Variants in C7orf78 observed in about 807,000 individuals in gnomAD.
C7orf78 encodes the protein putative uncharacterized protein C7orf78.
chr7:12,534,435 T>C, the C7orf78 span, among the ~76,000 whole-genome samples: 1 of 152,162 alleles, frequency 6.6e-6, no homozygotes, highest in South Asian at 2.1e-4. Context: ...ATGATATCTT[T>C]AAAAGAACCA....
chr7:12,509,186 A>G, the C7orf78 span, among the ~76,000 whole-genome samples: 1 of 152,218 alleles, frequency 6.6e-6, no homozygotes, highest in Non-Finnish European at 1.5e-5. Flanking sequence ...ATACTTTTCA[A>G]TATGTAGGAT....
the C7orf78 span, chr7:12,487,094 A>T: frequency 6.6e-6 from 1 of 151,984 alleles, no homozygotes; most frequent in East Asian, 1.9e-4. Context: ...ACATCTCAAG[A>T]CTAGTTTCCT....
the C7orf78 span, among the ~76,000 whole-genome samples, chr7:12,500,996 T>G: frequency 6.6e-6 from 1 of 151,610 alleles, no homozygotes; most frequent in Non-Finnish European, 1.5e-5. Flanking sequence ...GTTATCTCAA[T>G]AGATGCAGAA....
chr7:12,531,201 T>A, the C7orf78 span: 3 of 394,630 alleles, frequency 7.6e-6, no homozygotes, highest in Non-Finnish European at 1.3e-5. Flanking sequence ...AGTGCTCTAC[T>A]GTCATAGGAA....
the C7orf78 span, among the ~76,000 whole-genome samples, chr7:12,503,465 G>A: frequency 6.6e-6 from 1 of 151,888 alleles, no homozygotes; most frequent in Non-Finnish European, 1.5e-5. Flanking sequence ...AAACAATATG[G>A]GAAGGGGAAA....
chr7:12,515,992 A>T, the C7orf78 span, among the ~76,000 whole-genome samples: 1 of 152,222 alleles, frequency 6.6e-6, no homozygotes, highest in Non-Finnish European at 1.5e-5. Flanking sequence ...TTTTCTGAGG[A>T]GAAATTCAAC....
the C7orf78 span, chr7:12,529,042 A>G: frequency 2.5e-6 from 1 of 398,486 alleles, no homozygotes. Context: ...TGCTTCATAT[A>G]CAGTGAGTTT....
the C7orf78 span, chr7:12,528,953 G>T: frequency 2.5e-6 from 1 of 398,430 alleles, no homozygotes; most frequent in South Asian, 1.3e-4. Context: ...AGTACAGAAA[G>T]ATTTATCACC....
chr7:12,509,691 A>C, the C7orf78 span, among the ~76,000 whole-genome samples: 2 of 151,846 alleles, frequency 1.3e-5, no homozygotes, highest in East Asian at 3.9e-4. Flanking sequence ...AAGTTTTTTA[A>C]CTCCCACGTA....
At chr7:12,530,889 G>A in the C7orf78 span, 11 of 393,464 alleles carry the variant, frequency 2.8e-5, 1 homozygote, top group South Asian at 1.6e-3. Context: ...AGAACAAGAT[G>A]TGAATCTGGA....
At chr7:12,513,965 A>C in the C7orf78 span, among the ~76,000 whole-genome samples, 2 of 152,118 alleles carry the variant, frequency 1.3e-5, no homozygotes, top group South Asian at 2.1e-4. Context: ...ACGCCACTGC[A>C]CTCCAGCCTG....
At chr7:12,526,674 T>A in the C7orf78 span, among the ~76,000 whole-genome samples, 1 of 152,218 alleles carries the variant, frequency 6.6e-6, no homozygotes, top group Non-Finnish European at 1.5e-5. Context: ...AAGTGTCATC[T>A]AGCTGTGTAA....
the C7orf78 span, among the ~76,000 whole-genome samples, chr7:12,489,960 T>G: frequency 6.6e-6 from 1 of 152,140 alleles, no homozygotes. Context: ...GTGTAAACAG[T>G]GGGTAGTAAG....
At chr7:12,521,060 G>C in the C7orf78 span, among the ~76,000 whole-genome samples, 1 of 151,768 alleles carries the variant, frequency 6.6e-6, no homozygotes, top group South Asian at 2.1e-4. Flanking sequence ...GTTTCCATTT[G>C]TATGGAACAT....
the C7orf78 span, among the ~76,000 whole-genome samples, chr7:12,498,004 C>T: frequency 6.6e-6 from 1 of 151,848 alleles, no homozygotes; most frequent in Admixed American, 6.6e-5. Flanking sequence ...GGTACTCCAA[C>T]AGACCTGCAG....
At chr7:12,518,220 GCAGGTAGGTCAGTCTT>G in the C7orf78 span, among the ~76,000 whole-genome samples, 2 of 152,178 alleles carry the variant, frequency 1.3e-5, no homozygotes, top group Non-Finnish European at 2.9e-5. Flanking sequence ...AAAAGGGATT[GCAGGTAGGTCAGTCTT>G]CAGGCCCAAG....
the C7orf78 span, chr7:12,506,663 G>GC: frequency 5.0e-6 from 1 of 199,300 alleles, no homozygotes; most frequent in African/African-American, 2.4e-5. Context: ...CTGGGGGAGG[G>GC]ATAGCATTAG....
chr7:12,534,977 GGGAAGGAAGGAA>G, the C7orf78 span, among the ~76,000 whole-genome samples: 451 of 130,484 alleles, frequency 3.5e-3, 4 homozygotes, highest in African/African-American at 0.012. Flanking sequence ...GAAGGAAGGA[GGGAAGGAAGGAA>G]GGAAGGAAGG....
At chr7:12,513,545 T>C in the C7orf78 span, among the ~76,000 whole-genome samples, 1 of 152,198 alleles carries the variant, frequency 6.6e-6, no homozygotes, top group Non-Finnish European at 1.5e-5. Flanking sequence ...TTTCCATGTA[T>C]TTGTATGGTT....
Sources: allele counts gnomAD v4.1 joint callset (sites outside exome capture counted in the v4.1 genomes callset), GRCh38; gene constraint gnomAD v4.1.1; transcripts MANE v1.5; gene names NCBI Gene and HGNC (gene_info 2026-07-23, HGNC 2026-07-21).